PAPPA2: variants seen among roughly 807,000 people sequenced by gnomAD.
PAPPA2 encodes the protein pappalysin 2.
In PAPPA2, 86 loss-of-function variants were observed where a neutral mutation model predicts 176.4. The observed-to-expected ratio is 0.49, with a 90% CI of 0.41 to 0.58. The LOEUF (loss-of-function observed/expected upper bound fraction) is 0.58, where lower values mean the gene tolerates loss of function less well. Among genes scored for constraint, PAPPA2 ranks in the 20% least tolerant of loss-of-function variants. The probability of loss-of-function intolerance (pLI) is 0.00; values close to 1 mark genes in which losing one functional copy is unlikely to be tolerated. For missense variants in PAPPA2, 2,073 were observed against 2,256.9 expected (o/e 0.92, Z 1.65); for synonymous variants, 809 against 852.2 (o/e 0.95, Z 0.88).
At chr1:176,797,286 G>T (rs1354574421) in intron 20 of PAPPA2, among the ~76,000 whole-genome samples, 3 of 152,222 alleles carry the variant, frequency 2.0e-5, no homozygotes, top group East Asian at 3.9e-4. Flanking sequence ...GTTAGGCAAA[G>T]GATATAAAGT....
chr1:176,618,956 A>G (rs1188680508), intron 3 of PAPPA2, among the ~76,000 whole-genome samples: 1 of 152,172 alleles, frequency 6.6e-6, no homozygotes, highest in Non-Finnish European at 1.5e-5. Context: ...TTTAGAGACA[A>G]GAGAGGCCTC....
In PAPPA2 at chr1:176,765,681, C is replaced by T. The variant is rs1424313938; in HGVS notation, c.4167C>T (p.Pro1389=). 2.5e-6 allele frequency: 4 copies of T among 1,613,986 alleles called. No homozygotes were observed. Among genetic ancestry groups the T allele is most frequent in the Non-Finnish European group, 8.5e-7 (1 of 1,179,984 alleles). ...CTTATCCCAGCTGTATCCATCGGCC[C>T]TGTGGGAAGCAGGACAGCTGTCCGT... The part of the protein sequence containing the change: ...NHQGQSCIHR[P]CGKQDSCPSL... The change falls in exon 15 of 23, where the codon CCC becomes CCT. Residue 1389 remains proline (P), a synonymous_variant. Coordinates refer to ENST00000367662, the MANE Select transcript of PAPPA2 (RefSeq NM_020318.3).
chr1:176,768,041 C>T (rs1031895613), intron 15 of PAPPA2, among the ~76,000 whole-genome samples: 5 of 152,178 alleles, frequency 3.3e-5, no homozygotes, highest in Admixed American at 6.5e-5. Flanking sequence ...GTCATTGTAC[C>T]TGTGGCTTTG....
chr1:176,820,555 T>A (rs765793759), intron 21 of PAPPA2, among the ~76,000 whole-genome samples: 1 of 152,194 alleles, frequency 6.6e-6, no homozygotes, highest in South Asian at 2.1e-4. Flanking sequence ...ACACTGGGGA[T>A]CCTCATCGAG....
At chr1:176,481,699 GT>G (rs1652411228) in intron 1 of PAPPA2, among the ~76,000 whole-genome samples, 1 of 152,046 alleles carries the variant, frequency 6.6e-6, no homozygotes, top group Non-Finnish European at 1.5e-5. Context: ...TGCTTTTATT[GT>G]TTTGTTTTCT....
chr1:176,829,606 G>A (rs944876814), intron 21 of PAPPA2, among the ~76,000 whole-genome samples: 3 of 152,310 alleles, frequency 2.0e-5, no homozygotes, highest in Admixed American at 6.5e-5. Flanking sequence ...GTCCAAACAG[G>A]ACCTAACAGT....
intron 21 of PAPPA2, among the ~76,000 whole-genome samples, chr1:176,820,160 C>T (rs17378293): frequency 0.14 from 21,559 of 152,160 alleles, 1,694 homozygotes; most frequent in Middle Eastern, 0.24. Flanking sequence ...AAAAACAACA[C>T]GCACCTATTT....
intron 12 of PAPPA2, among the ~76,000 whole-genome samples, chr1:176,724,663 C>T (rs939449235): frequency 2.0e-5 from 3 of 152,180 alleles, no homozygotes; most frequent in Admixed American, 1.3e-4. Flanking sequence ...ACCATAATTT[C>T]CTCTCTTCCT....
At chr1:176,489,986 C>A (rs1452397470) in intron 1 of PAPPA2, among the ~76,000 whole-genome samples, 1 of 152,122 alleles carries the variant, frequency 6.6e-6, no homozygotes, top group Non-Finnish European at 1.5e-5. Flanking sequence ...CAGACAGGAG[C>A]TCCTTCTGGA....
At chr1:176,628,695 T>G (rs1656172174) in intron 3 of PAPPA2, among the ~76,000 whole-genome samples, 1 of 152,180 alleles carries the variant, frequency 6.6e-6, no homozygotes, top group African/African-American at 2.4e-5. Flanking sequence ...TGATGAACTG[T>G]GTGAGATGGT....
chr1:176,524,782 G>A lies in PAPPA2; in HGVS notation c.-916-30625G>A, dbSNP rs560932339. Among the ~76,000 whole-genome samples, 415 of 152,306 alleles carry A rather than the reference G, an allele frequency of 2.7e-3. 1 individual carries two copies. Among genetic ancestry groups the A allele is most frequent in the Non-Finnish European group, 4.4e-3 (296 of 68,034 alleles). On this transcript the variant is annotated intron_variant, in intron 1 of 22. Transcript: ENST00000367662. Reference sequence around the variant, plus strand: ...CTTACGCCTGTAATCCCAGCACTTTGGGAGGCCCTGGCGGGCGGATCATGA... The same window carrying A: ...CTTACGCCTGTAATCCCAGCACTTTAGGAGGCCCTGGCGGGCGGATCATGA...
At chr1:176,633,615 A>G (rs866853592) in intron 3 of PAPPA2, among the ~76,000 whole-genome samples, 17 of 152,222 alleles carry the variant, frequency 1.1e-4, no homozygotes, top group African/African-American at 3.6e-4. Flanking sequence ...TTCAAAGATT[A>G]GATAATTTTT....
intron 1 of PAPPA2, among the ~76,000 whole-genome samples, chr1:176,471,187 T>C (rs1360258835): frequency 1.3e-5 from 2 of 152,130 alleles, no homozygotes; most frequent in Non-Finnish European, 2.9e-5. Flanking sequence ...TACGGTGGAT[T>C]CTGAGCTTGA....
intron 3 of PAPPA2, among the ~76,000 whole-genome samples, chr1:176,622,431 T>C (rs1035413237): frequency 6.6e-5 from 10 of 152,122 alleles, no homozygotes; most frequent in African/African-American, 2.2e-4. Flanking sequence ...CTAAATAAAT[T>C]TGTTGAAGGT....
chr1:176,745,210 A>G (rs1662852986), intron 14 of PAPPA2, among the ~76,000 whole-genome samples: 1 of 152,178 alleles, frequency 6.6e-6, no homozygotes, highest in Non-Finnish European at 1.5e-5. Flanking sequence ...AGAGGGTGCT[A>G]GATAGACAAT....
At chr1:176,652,705 C>G (rs768044646) in intron 3 of PAPPA2, among the ~76,000 whole-genome samples, 41 of 151,798 alleles carry the variant, frequency 2.7e-4, no homozygotes, top group Admixed American at 1.2e-3. Flanking sequence ...CTGATGCTTC[C>G]CATGGGTTGA....
At chr1:176,571,757 CAACT>C (rs1652348981) in intron 2 of PAPPA2, among the ~76,000 whole-genome samples, 1 of 152,178 alleles carries the variant, frequency 6.6e-6, no homozygotes, top group African/African-American at 2.4e-5. Flanking sequence ...CCACTATTCT[CAACT>C]AACTATAATA....
chr1:176,840,436 G>A (rs1667444817), intron 22 of PAPPA2, among the ~76,000 whole-genome samples, 165 bp downstream of exon 22: 1 of 152,154 alleles, frequency 6.6e-6, no homozygotes, highest in Non-Finnish European at 1.5e-5. Context: ...AGGGTTAAGG[G>A]TAGCATAGGT....
intron 14 of PAPPA2, among the ~76,000 whole-genome samples, chr1:176,741,784 C>T (rs544259442): frequency 2.0e-4 from 30 of 152,270 alleles, no homozygotes; most frequent in East Asian, 9.6e-4. Flanking sequence ...TCTTAGTGAA[C>T]AAATGCCTCC....
Sources: allele counts gnomAD v4.1 joint callset (sites outside exome capture counted in the v4.1 genomes callset), GRCh38; gene constraint gnomAD v4.1.1; transcripts MANE v1.5; gene names NCBI Gene and HGNC (gene_info 2026-07-23, HGNC 2026-07-21).